Variants in ANO3 observed in about 807,000 individuals in gnomAD.
ANO3 encodes the protein anoctamin-3.
Under a neutral mutation model 144.8 loss-of-function variants are expected in ANO3, and 99 were observed. That is an observed-to-expected ratio of 0.68 (90% CI 0.58 to 0.81). ANO3 has a LOEUF of 0.81. Ranked by LOEUF, ANO3 falls within the 30% of genes least tolerant of loss-of-function variation. The probability of loss-of-function intolerance (pLI) is 0.00; values close to 1 mark genes in which losing one functional copy is unlikely to be tolerated. For synonymous variants in ANO3, 414 were observed against 392.6 expected, an observed-to-expected ratio of 1.05 and a Z score of -0.64; for missense variants, 905 against 1,202.2, an observed-to-expected ratio of 0.75 and a Z score of 3.66.
chr11:26,337,820 A>T (rs1855232297), intron 1 of ANO3, among the ~76,000 whole-genome samples: 1 of 152,138 alleles, frequency 6.6e-6, no homozygotes, highest in East Asian at 1.9e-4. Flanking sequence ...CTGTAATCCC[A>T]GCTACTCAGG....
At chr11:26,205,051 G>T (rs1352168392) in intron 1 of ANO3, among the ~76,000 whole-genome samples, 2 of 152,076 alleles carry the variant, frequency 1.3e-5, no homozygotes, top group African/African-American at 4.8e-5. Flanking sequence ...GGTAAAAGAA[G>T]TACCAAGCAA....
chr11:26,451,390 C>A (rs958452352), intron 3 of ANO3, among the ~76,000 whole-genome samples: 1 of 152,188 alleles, frequency 6.6e-6, no homozygotes, highest in Non-Finnish European at 1.5e-5. Flanking sequence ...CCGAATACTG[C>A]GCTTTTCCGA....
At chr11:26,526,231 G>T (rs1047308896) in intron 7 of ANO3, among the ~76,000 whole-genome samples, 13 of 152,060 alleles carry the variant, frequency 8.5e-5, no homozygotes, top group Non-Finnish European at 8.8e-5. Context: ...CAAAACATTA[G>T]CTCTTTACCT....
chr11:26,362,546 C>A (rs1855955839), intron 1 of ANO3, among the ~76,000 whole-genome samples: 1 of 152,026 alleles, frequency 6.6e-6, no homozygotes, highest in Non-Finnish European at 1.5e-5. Context: ...TAGGGCTGAC[C>A]CCAACCAGAG....
At chr11:26,452,938 G>A (rs1411519768) in intron 3 of ANO3, among the ~76,000 whole-genome samples, 1 of 152,140 alleles carries the variant, frequency 6.6e-6, no homozygotes, top group Non-Finnish European at 1.5e-5. Context: ...CATTCTTAAA[G>A]AAAACAATTT....
intron 1 of ANO3, among the ~76,000 whole-genome samples, chr11:26,414,202 A>G (rs1167251588): frequency 2.0e-5 from 3 of 152,142 alleles, no homozygotes; most frequent in Non-Finnish European, 4.4e-5. Flanking sequence ...AGGATCTAGA[A>G]CCAGAAATGC....
chr11:26,613,165 T>C (rs1161865621), intron 17 of ANO3, among the ~76,000 whole-genome samples: 2 of 152,168 alleles, frequency 1.3e-5, no homozygotes, highest in East Asian at 3.8e-4. Flanking sequence ...GTTTCATAAG[T>C]CTCATACACT....
At chr11:26,336,744 A>C (rs1300863177) in intron 1 of ANO3, among the ~76,000 whole-genome samples, 1 of 54,956 alleles carries the variant, frequency 1.8e-5, no homozygotes, top group Non-Finnish European at 4.1e-5. Context: ...GAGAAATAAG[A>C]AAAAAAAACT....
rs537812633 is a variant in ANO3, at chr11:26,273,276, C to T, written c.155-36369C>T. Among the ~76,000 whole-genome samples, 47 of 150,936 alleles carry T rather than the reference C, an allele frequency of 3.1e-4. 1 individual carries two copies. Among genetic ancestry groups the T allele is most frequent in the African/African-American group, 1.1e-3 (47 of 41,012 alleles). On this transcript the variant is annotated intron_variant, in intron 1 of 27. Coordinates refer to the ANO3 transcript ENST00000672621. ...GGACAATGCCCTGACCAGCCAGAGCCCCCATGAGTTCAGCACCGAAGGCAT... is the reference window on the plus strand; with the variant it reads ...GGACAATGCCCTGACCAGCCAGAGCTCCCATGAGTTCAGCACCGAAGGCAT...
chr11:26,559,492 AAG>A (rs1029262744), intron 13 of ANO3: 1 of 481,750 alleles, frequency 2.1e-6, no homozygotes, highest in Non-Finnish European at 3.7e-6. Flanking sequence ...AAAGGGAATC[AAG>A]AGAGGAGAGA....
rs1852905217 is a variant in ANO3 at position 26,635,001 on chromosome 11, G to A, written c.1986-12G>A. On this transcript the variant is annotated splice_polypyrimidine_tract_variant and intron_variant, in intron 19 of 26. Coordinates refer to ENST00000256737, the MANE Select transcript of ANO3 (RefSeq NM_031418.4). ...CACTTAAATGCTAATGAACTAAAATGTCTTCTTACAGATTCGTAGGCCACC... is the reference window on the plus strand; with the variant it reads ...CACTTAAATGCTAATGAACTAAAATATCTTCTTACAGATTCGTAGGCCACC... 1 of 1,610,812 alleles carries A rather than the reference G, an allele frequency of 6.2e-7. No homozygotes were observed. The highest frequency in any genetic ancestry group is 8.5e-7 in the Non-Finnish European group (1 of 1,177,168).
At chr11:26,272,619 G>T (rs913513810) in intron 1 of ANO3, among the ~76,000 whole-genome samples, 1 of 152,138 alleles carries the variant, frequency 6.6e-6, no homozygotes, top group African/African-American at 2.4e-5. Context: ...GATTGTAGAA[G>T]ATTTGGCTTC....
At chr11:26,384,529 A>T (rs1856672819) in intron 1 of ANO3, among the ~76,000 whole-genome samples, 1 of 152,128 alleles carries the variant, frequency 6.6e-6, no homozygotes, top group Non-Finnish European at 1.5e-5. Flanking sequence ...ATAATCCCCC[A>T]GTGCATCTAA....
chr11:26,378,298 G>T (rs941866121), intron 1 of ANO3, among the ~76,000 whole-genome samples: 2 of 148,844 alleles, frequency 1.3e-5, no homozygotes, highest in Non-Finnish European at 3.0e-5. Flanking sequence ...CTCTCATGAG[G>T]TATACTATAT....
At chr11:26,396,108 C>A (rs1857006975) in intron 1 of ANO3, among the ~76,000 whole-genome samples, 1 of 151,992 alleles carries the variant, frequency 6.6e-6, no homozygotes, top group African/African-American at 2.4e-5. Context: ...AAAAAACAAC[C>A]CCCTCAAAAA....
At chr11:26,241,833 C>T (rs1852669673) in intron 1 of ANO3, among the ~76,000 whole-genome samples, 1 of 152,058 alleles carries the variant, frequency 6.6e-6, no homozygotes. Flanking sequence ...AGTAATGAAG[C>T]TAGGTTTCCT....
intron 1 of ANO3, among the ~76,000 whole-genome samples, chr11:26,348,227 A>G (rs796677653): frequency 3.9e-5 from 6 of 152,332 alleles, no homozygotes; most frequent in African/African-American, 1.4e-4. Flanking sequence ...ACGAAGTTAG[A>G]TATGTTTTGA....
At chr11:26,598,772 A>C in intron 15 of ANO3, 86 bp from the exon 16 acceptor site, 1 of 1,402,906 alleles carries the variant, frequency 7.1e-7, no homozygotes, top group Non-Finnish European at 9.6e-7. Flanking sequence ...AAGTAGGCCA[A>C]ATTTAGGAGT....
chr11:26,299,280 T>TTA (rs1371501815), intron 1 of ANO3, among the ~76,000 whole-genome samples: 1 of 152,170 alleles, frequency 6.6e-6, no homozygotes, highest in Non-Finnish European at 1.5e-5. Flanking sequence ...GTGTGATTAA[T>TTA]TATATAGCAT....
Sources: gnomAD v4.1 joint callset for allele counts (sites outside exome capture counted in the v4.1 genomes callset) on GRCh38, gnomAD v4.1.1 for gene constraint, MANE v1.5 for transcripts, NCBI Gene and HGNC (gene_info 2026-07-23, HGNC 2026-07-21) for gene names.